Variants in FOXP2 observed in about 807,000 individuals in gnomAD.
FOXP2 encodes forkhead box protein P2.
A neutral mutation model predicts 115.8 loss-of-function variants in FOXP2; 12 were observed. The ratio of observed to expected loss-of-function variants is 0.10; its 90% confidence interval spans 0.07 to 0.17. FOXP2 has a LOEUF of 0.17. Among genes scored for constraint, FOXP2 ranks in the 10% least tolerant of loss-of-function variants. The pLI is 1.00. For synonymous variants in FOXP2, 328 were observed against 297.7 expected (o/e 1.10, Z -1.05); for missense variants, 629 against 843.5 (o/e 0.75, Z 3.15).
intron 1 of FOXP2, among the ~76,000 whole-genome samples, chr7:114,099,994 C>A (rs1289436581): frequency 2.6e-5 from 4 of 152,084 alleles, no homozygotes; most frequent in African/African-American, 9.7e-5. Flanking sequence ...TTTCTACTGT[C>A]TATGTATATT....
chr7:114,367,617 C>CCAAA (rs1285445654), intron 2 of FOXP2, among the ~76,000 whole-genome samples: 7 of 152,178 alleles, frequency 4.6e-5, no homozygotes, highest in African/African-American at 1.7e-4. Context: ...CAACTCTGAA[C>CCAAA]TATCATAGGT....
At chr7:114,186,228 G>A (rs1180875403) in intron 1 of FOXP2, among the ~76,000 whole-genome samples, 1 of 152,114 alleles carries the variant, frequency 6.6e-6, no homozygotes, top group Non-Finnish European at 1.5e-5. Context: ...TTCCATCCCA[G>A]TAGCCTCAAA....
chr7:114,462,098 G>A (rs1047853279), intron 2 of FOXP2, among the ~76,000 whole-genome samples: 13 of 151,450 alleles, frequency 8.6e-5, no homozygotes, highest in African/African-American at 2.9e-4. Flanking sequence ...TGACCAACAT[G>A]GCGAAGCCCC....
At chr7:114,116,841 C>T (rs1013489335) in intron 1 of FOXP2, among the ~76,000 whole-genome samples, 2 of 152,122 alleles carry the variant, frequency 1.3e-5, no homozygotes, top group African/African-American at 4.8e-5. Flanking sequence ...GGCCTTCAGT[C>T]TCCCGCTCTT....
intron 2 of FOXP2, among the ~76,000 whole-genome samples, chr7:114,453,625 G>A (rs572300302): frequency 2.7e-3 from 411 of 152,204 alleles, no homozygotes; most frequent in Non-Finnish European, 4.7e-3. Context: ...GAGATACATT[G>A]ACAACTAGTA....
At position 114,586,809 on chromosome 7, in the gene FOXP2, G is replaced by GT. The variant is rs145740685; in HGVS notation, c.259-41724dup. On this transcript the variant is annotated intron_variant, in intron 3 of 16. Transcript: ENST00000350908. The stretch of plus-strand genomic sequence containing the variant: ...AAGTTGTCAAGATTCCAAACAGTAG[G>GT]TTTTTTTCCTAATTAATGCTTAAAT... Among the ~76,000 whole-genome samples, 1,047 of 151,804 alleles carry GT rather than the reference G, an allele frequency of 6.9e-3. 10 individuals carry two copies. Among genetic ancestry groups the GT allele is most frequent in the African/African-American group, 0.023 (962 of 41,426 alleles).
chr7:114,353,101 C>A (rs1324189683), intron 2 of FOXP2, among the ~76,000 whole-genome samples: 5 of 152,124 alleles, frequency 3.3e-5, no homozygotes, highest in Non-Finnish European at 5.9e-5. Flanking sequence ...GTCCATAAGA[C>A]AATCCTTTAG....
chr7:114,248,093 G>C (rs1026496290), intron 1 of FOXP2, among the ~76,000 whole-genome samples: 3 of 152,180 alleles, frequency 2.0e-5, no homozygotes, highest in Middle Eastern at 3.4e-3. Context: ...AGAACGAGGA[G>C]AGCCAGTGGT....
chr7:114,512,738 A>T (rs1379831838), intron 2 of FOXP2, among the ~76,000 whole-genome samples: 1 of 152,188 alleles, frequency 6.6e-6, no homozygotes, highest in Non-Finnish European at 1.5e-5. Flanking sequence ...TTAGTAGTAT[A>T]GTGAGGAAAA....
At chr7:114,146,839 T>C (rs1792384758) in intron 1 of FOXP2, among the ~76,000 whole-genome samples, 1 of 152,152 alleles carries the variant, frequency 6.6e-6, no homozygotes, top group South Asian at 2.1e-4. Flanking sequence ...ACCTCTGAAT[T>C]GGAAAGGATC....
chr7:114,113,626 C>T (rs779103935), intron 1 of FOXP2, among the ~76,000 whole-genome samples: 2 of 152,104 alleles, frequency 1.3e-5, no homozygotes, highest in East Asian at 3.9e-4. Context: ...GCCTCAGCCT[C>T]CTGAGTACCC....
intron 2 of FOXP2, among the ~76,000 whole-genome samples, chr7:114,327,504 T>C (rs1356412797): frequency 6.6e-6 from 1 of 152,070 alleles, no homozygotes. Flanking sequence ...ACTTTGTGTT[T>C]TCTTTTTTTT....
At chr7:114,170,233 A>T (rs1414240326) in intron 1 of FOXP2, among the ~76,000 whole-genome samples, 1 of 152,196 alleles carries the variant, frequency 6.6e-6, no homozygotes, top group East Asian at 1.9e-4. Flanking sequence ...AACTGGATCC[A>T]TGTAAAACAG....
chr7:114,286,404 T>A (rs1796468711), intron 1 of FOXP2, among the ~76,000 whole-genome samples: 2 of 152,078 alleles, frequency 1.3e-5, no homozygotes, highest in Non-Finnish European at 2.9e-5. Context: ...GATTTTCTTT[T>A]AAAAATCTAG....
chr7:114,682,475 A>G (rs182584955), intron 16 of FOXP2, among the ~76,000 whole-genome samples: 3 of 152,286 alleles, frequency 2.0e-5, no homozygotes, highest in Admixed American at 2.0e-4. Flanking sequence ...GGATTCTTTT[A>G]TTTTATTTGA....
chr7:114,689,689 GC>G (rs1808554605), intron 16 of FOXP2, 92 bp from the exon 17 acceptor site: 1 of 1,270,832 alleles, frequency 7.9e-7, no homozygotes, highest in South Asian at 1.2e-5. Context: ...GTGTCTTCTT[GC>G]CTTTTTTCAG....
intron 2 of FOXP2, among the ~76,000 whole-genome samples, chr7:114,481,796 C>CTATA (rs748093147): frequency 1.1e-4 from 16 of 150,804 alleles, no homozygotes; most frequent in African/African-American, 3.9e-4. Context: ...ATCTATCTAT[C>CTATA]TATCTATCTA....
chr7:114,513,534 A>G (rs960447462), intron 2 of FOXP2, among the ~76,000 whole-genome samples: 7 of 152,130 alleles, frequency 4.6e-5, no homozygotes, highest in Admixed American at 2.6e-4. Flanking sequence ...TCTTTATAAC[A>G]TAGCCTTCTG....
chr7:114,606,338 C>T (rs1267137725), intron 3 of FOXP2, among the ~76,000 whole-genome samples: 1 of 152,090 alleles, frequency 6.6e-6, no homozygotes, highest in East Asian at 1.9e-4. Flanking sequence ...ACATGTGCTT[C>T]AAGGGCCGGT....
Sources: gnomAD v4.1 joint callset for allele counts (sites outside exome capture counted in the v4.1 genomes callset) on GRCh38, gnomAD v4.1.1 for gene constraint, MANE v1.5 for transcripts, NCBI Gene and HGNC (gene_info 2026-07-23, HGNC 2026-07-21) for gene names.